ATF2: variants seen among roughly 807,000 people sequenced by gnomAD.
The protein encoded by ATF2 is cyclic AMP-dependent transcription factor ATF-2.
ATF2 carries 24 observed loss-of-function variants against 60.6 expected under a neutral mutation model. That is an observed-to-expected ratio of 0.40 (90% confidence interval 0.29 to 0.56). The LOEUF is 0.56. Ranked by LOEUF, ATF2 falls within the 20% of genes least tolerant of loss-of-function variation. ATF2 has a pLI of 0.54. For synonymous variants in ATF2, 206 were observed against 215.4 expected (o/e 0.96, Z 0.38); for missense variants, 433 against 607.7 (o/e 0.71, Z 3.02).
At chr2:175,136,019 T>G (rs1698121731) in intron 3 of ATF2, among the ~76,000 whole-genome samples, 2 of 150,140 alleles carry the variant, frequency 1.3e-5, no homozygotes, top group African/African-American at 2.4e-5. Context: ...TTCTTTGTTT[T>G]TTTTTTTTTT....
intron 9 of ATF2, among the ~76,000 whole-genome samples, chr2:175,113,427 A>C (rs758197696): frequency 2.7e-4 from 41 of 152,098 alleles, no homozygotes; most frequent in Non-Finnish European, 2.8e-4. Context: ...TGGCCAAACT[A>C]TTAAATATCA....
chr2:175,098,450 G>A (rs1172711995), intron 10 of ATF2, among the ~76,000 whole-genome samples: 2 of 152,328 alleles, frequency 1.3e-5, no homozygotes, highest in Admixed American at 6.5e-5. Flanking sequence ...AGGAATTGGA[G>A]TCAGAGTTAT....
intron 11 of ATF2, 71 bp downstream of exon 11, chr2:175,097,373 A>C: frequency 4.5e-6 from 7 of 1,549,952 alleles, no homozygotes; most frequent in Non-Finnish European, 6.1e-6. Flanking sequence ...TTTTTAAATA[A>C]GCCGTAAGTT....
intron 10 of ATF2, 70 bp downstream of exon 10, chr2:175,111,498 C>T: frequency 1.5e-6 from 2 of 1,337,116 alleles, no homozygotes; most frequent in South Asian, 1.3e-5. Flanking sequence ...GCATTTGAAG[C>T]AGGCTTTAGT....
intron 11 of ATF2, among the ~76,000 whole-genome samples, chr2:175,097,012 C>T (rs1194337481): frequency 6.6e-6 from 1 of 152,038 alleles, no homozygotes; most frequent in African/African-American, 2.4e-5. Flanking sequence ...AATAAGAAAA[C>T]AAGATACAAT....
intron 12 of ATF2, among the ~76,000 whole-genome samples, chr2:175,084,592 T>A (rs1332958047): frequency 1.4e-5 from 2 of 146,714 alleles, no homozygotes; most frequent in African/African-American, 5.1e-5. Flanking sequence ...CATGTATACA[T>A]ATGTAACTAA....
chr2:175,155,163 T>C (rs1283504476), intron 1 of ATF2, among the ~76,000 whole-genome samples: 1 of 152,220 alleles, frequency 6.6e-6, no homozygotes, highest in African/African-American at 2.4e-5. Context: ...ATCTTCCCTT[T>C]GTTTGCTTTC....
intron 1 of ATF2, chr2:175,167,830 C>T: frequency 2.4e-6 from 1 of 419,154 alleles, no homozygotes; most frequent in Non-Finnish European, 5.1e-6. Flanking sequence ...CCTAACGGTC[C>T]GGCCCAGCCA....
chr2:175,145,109 A>C (rs1263852577), intron 2 of ATF2, among the ~76,000 whole-genome samples: 1 of 152,190 alleles, frequency 6.6e-6, no homozygotes, highest in East Asian at 1.9e-4. Flanking sequence ...ATAGATGTTA[A>C]TGTGTATATG....
At chr2:175,109,266 GGAC>G (rs1696003361) in intron 10 of ATF2, among the ~76,000 whole-genome samples, 2 of 151,232 alleles carry the variant, frequency 1.3e-5, no homozygotes, top group African/African-American at 4.9e-5. Flanking sequence ...GCAGGAGAAT[GGAC>G]AAAGAAATTG....
intron 10 of ATF2, among the ~76,000 whole-genome samples, chr2:175,108,916 G>T (rs1399850663): frequency 2.0e-5 from 3 of 152,132 alleles, no homozygotes; most frequent in African/African-American, 7.2e-5. Flanking sequence ...TCCACTCAGG[G>T]TTAAATGGAT....
chr2:175,154,055 A>G (rs1008091122), intron 1 of ATF2, among the ~76,000 whole-genome samples: 3 of 151,016 alleles, frequency 2.0e-5, no homozygotes, highest in Admixed American at 2.0e-4. Flanking sequence ...ATCTCTACTA[A>G]AAATACAAAA....
At chr2:175,136,977 C>T (rs1004739812) in intron 2 of ATF2, among the ~76,000 whole-genome samples, 1 of 152,116 alleles carries the variant, frequency 6.6e-6, no homozygotes, top group Non-Finnish European at 1.5e-5. Flanking sequence ...GTACAGTATA[C>T]TGAAACTACT....
chr2:175,094,403 GAAAAAAAAAAAAAAAA>G lies in ATF2; in HGVS notation c.979-1152_979-1137del, dbSNP rs61440218. 3.3e-3 allele frequency among the ~76,000 whole-genome samples: 199 copies of G among 61,144 alleles called. 2 individuals are homozygous for G. The highest frequency in any genetic ancestry group is 8.0e-3 in the African/African-American group (172 of 21,552). The allele number at this position is 61,144 out of a possible 152,430, so 40.1% of individuals were successfully genotyped here. A position where few individuals can be genotyped will look rare whatever the true frequency, so the allele number is the denominator to read the frequency against. On this transcript the variant is annotated intron_variant, in intron 11 of 13. Transcript: ENST00000264110. The stretch of plus-strand genomic sequence containing the variant: ...AGCGAGACTCAGTCTCAAAAAATAC[GAAAAAAAAAAAAAAAA>G]AAAAAAAAAAGAAAGAAGAAAATGA...
At chr2:175,154,243 A>G (rs937955424) in intron 1 of ATF2, among the ~76,000 whole-genome samples, 1 of 148,856 alleles carries the variant, frequency 6.7e-6, no homozygotes, top group Admixed American at 6.7e-5. Flanking sequence ...AAATATATAT[A>G]TATATATATT....
chr2:175,165,196 A>C (rs1700272540), intron 1 of ATF2, among the ~76,000 whole-genome samples: 1 of 152,222 alleles, frequency 6.6e-6, no homozygotes, highest in Non-Finnish European at 1.5e-5. Context: ...ATTGACTTTT[A>C]TAAAAATCAG....
intron 2 of ATF2, among the ~76,000 whole-genome samples, chr2:175,137,148 T>C (rs1158941242): frequency 1.3e-5 from 2 of 152,190 alleles, no homozygotes; most frequent in Non-Finnish European, 2.9e-5. Context: ...TAAATGAAGT[T>C]TCAAGAATGT....
intron 12 of ATF2, among the ~76,000 whole-genome samples, chr2:175,087,993 T>A (rs949810734): frequency 6.6e-6 from 1 of 152,172 alleles, no homozygotes. Flanking sequence ...TCTAATAATA[T>A]GCCTTGCACA....
Position 175,093,238 on chromosome 2 carries a change from G to C in ATF2, c.1008C>G (p.Thr336=). The C allele has an allele frequency of 6.2e-7, 1 of 1,613,914 alleles. No homozygotes were observed. The highest frequency in any genetic ancestry group is 8.5e-7 in the Non-Finnish European group (1 of 1,180,002). ...PASPAHTTPQ[T]QSTSGRRRRA... is the part of the protein sequence containing the mutation. Reference sequence around the variant, plus strand: ...TTCTCCGACGACCACTTGTACTTTGGGTCTGTGGAGTTGTGTGAGCTGGAG... The same window carrying C: ...TTCTCCGACGACCACTTGTACTTTGCGTCTGTGGAGTTGTGTGAGCTGGAG... Residue 336 remains threonine, a synonymous_variant, in exon 12 of 14, where the codon ACC becomes ACG. Transcript: ENST00000264110.
Sources: allele counts gnomAD v4.1 joint callset (sites outside exome capture counted in the v4.1 genomes callset), GRCh38; gene constraint gnomAD v4.1.1; transcripts MANE v1.5; gene names NCBI Gene and HGNC (gene_info 2026-07-23, HGNC 2026-07-21).